GLIS3: variants seen among roughly 807,000 people sequenced by gnomAD.
The protein encoded by GLIS3 is GLIS family zinc finger 3.
GLIS3 carries 53 observed loss-of-function variants against 78.6 expected under a neutral mutation model. The ratio of observed to expected loss-of-function variants is 0.67; its 90% CI spans 0.54 to 0.85. GLIS3 has a LOEUF of 0.85. GLIS3 is among the 40% of genes least tolerant of loss of function. GLIS3 has a pLI of 0.00. For synonymous variants in GLIS3, 684 were observed against 509.9 expected, an observed-to-expected ratio of 1.34 and a Z score of -4.60; for missense variants, 1,703 against 1,231.1, an observed-to-expected ratio of 1.38 and a Z score of -5.74.
intron 5 of GLIS3, among the ~76,000 whole-genome samples, chr9:3,933,869 A>G (rs1447137988): frequency 1.3e-5 from 2 of 152,210 alleles, no homozygotes; most frequent in African/African-American, 4.8e-5. Context: ...ACTGGATTCC[A>G]AGAACAAGAT....
chr9:4,474,250 A>G, the GLIS3 span, among the ~76,000 whole-genome samples: 1 of 152,236 alleles, frequency 6.6e-6, no homozygotes, highest in Non-Finnish European at 1.5e-5. Context: ...CAAATAGATC[A>G]GTAAAACAAA....
chr9:4,269,405 C>G (rs1826303953), intron 2 of GLIS3, among the ~76,000 whole-genome samples: 2 of 152,216 alleles, frequency 1.3e-5, no homozygotes, highest in South Asian at 4.1e-4. Flanking sequence ...TACACTTATA[C>G]TGCCAGCTAC....
chr9:3,896,739 G>C (rs888365765), intron 7 of GLIS3, among the ~76,000 whole-genome samples: 3 of 150,204 alleles, frequency 2.0e-5, no homozygotes, highest in African/African-American at 7.4e-5. Context: ...AAAATTCTGG[G>C]AACAAAGTTG....
At chr9:4,204,924 A>G (rs1046377912) in intron 2 of GLIS3, among the ~76,000 whole-genome samples, 4 of 146,940 alleles carry the variant, frequency 2.7e-5, no homozygotes, top group South Asian at 2.3e-4. Flanking sequence ...AAAAAAAAAG[A>G]AGGAGTCAGT....
At chr9:4,231,322 G>A (rs1398464531) in intron 2 of GLIS3, among the ~76,000 whole-genome samples, 10 of 152,120 alleles carry the variant, frequency 6.6e-5, no homozygotes, top group Non-Finnish European at 1.5e-5. Context: ...GCAAGGAGCT[G>A]TTATCTTACT....
chr9:4,175,721 C>T (rs1006090330), intron 2 of GLIS3, among the ~76,000 whole-genome samples: 3 of 152,188 alleles, frequency 2.0e-5, no homozygotes, highest in Non-Finnish European at 4.4e-5. Context: ...ACCACCATAA[C>T]GCTGGGAGAA....
chr9:4,452,856 A>G, the GLIS3 span, among the ~76,000 whole-genome samples: 1 of 152,190 alleles, frequency 6.6e-6, no homozygotes, highest in Non-Finnish European at 1.5e-5. Flanking sequence ...TATAGCCGAG[A>G]CAACCCTAAG....
upstream of GLIS3, among the ~76,000 whole-genome samples, chr9:4,302,077 C>T (rs1817098375): frequency 6.6e-6 from 1 of 151,522 alleles, no homozygotes; most frequent in African/African-American, 2.4e-5. Flanking sequence ...TGTTCTTGTA[C>T]CAGTACAACC....
chr9:3,828,443 C>G (rs1588038635), intron 10 of GLIS3, 35 bp from the exon 11 acceptor site: 1 of 1,610,842 alleles, frequency 6.2e-7, no homozygotes, highest in South Asian at 1.1e-5. Flanking sequence ...GTCAGTAACT[C>G]CTGCCCCATG....
the GLIS3 span, among the ~76,000 whole-genome samples, chr9:4,398,693 G>A: frequency 3.3e-5 from 5 of 151,482 alleles, no homozygotes; most frequent in Non-Finnish European, 7.4e-5. Context: ...TGTTGTTGTT[G>A]TTGTATTTTG....
At chr9:3,969,325 CA>C (rs1376892992) in intron 4 of GLIS3, among the ~76,000 whole-genome samples, 2 of 152,148 alleles carry the variant, frequency 1.3e-5, no homozygotes, top group African/African-American at 4.8e-5. Flanking sequence ...GTTAGAAATG[CA>C]GAAGTTCAAA....
At chr9:4,018,105 C>G (rs1171335727) in intron 4 of GLIS3, among the ~76,000 whole-genome samples, 2 of 152,166 alleles carry the variant, frequency 1.3e-5, no homozygotes, top group Non-Finnish European at 2.9e-5. Context: ...AGACAAAACT[C>G]TTCCGATAAA....
Position 4,329,066 on chromosome 9 carries a change from G to A in GLIS3, n.264+18015C>T, listed in dbSNP as rs561724840. On this transcript the variant is annotated intron_variant and non_coding_transcript_variant, in intron 2 of 4. Coordinates refer to the GLIS3 transcript ENST00000471664. ...AATCTTGCCTGCTTGCCAGGCTATC[G>A]TTTTAACACTTAGAGAAATAGCCTA... Among the ~76,000 whole-genome samples, 14 of 152,296 alleles carry A rather than the reference G, an allele frequency of 9.2e-5. No homozygotes were observed. In the South Asian group the frequency reaches 1.0e-3, roughly 11 times the overall value.
chr9:3,901,811 C>T (rs116831200), intron 6 of GLIS3, among the ~76,000 whole-genome samples: 435 of 152,202 alleles, frequency 2.9e-3, no homozygotes, highest in African/African-American at 9.9e-3. Flanking sequence ...TCTTTCAGGA[C>T]CTTTGGAAGG....
At chr9:4,350,282 A>T (rs1349220850), upstream of GLIS3, among the ~76,000 whole-genome samples, 3 of 152,238 alleles carry the variant, frequency 2.0e-5, no homozygotes, top group African/African-American at 7.2e-5. Context: ...ATAGGCGGAA[A>T]TGTGAGGAAC....
At chr9:4,338,207 G>A (rs1817782051) in intron 2 of GLIS3, among the ~76,000 whole-genome samples, 1 of 152,102 alleles carries the variant, frequency 6.6e-6, no homozygotes, top group Non-Finnish European at 1.5e-5. Context: ...TTTTGCTGCT[G>A]CTATGTGTTG....
the GLIS3 span, among the ~76,000 whole-genome samples, chr9:4,424,165 T>C: frequency 1.3e-5 from 2 of 152,210 alleles, no homozygotes; most frequent in African/African-American, 2.4e-5. Flanking sequence ...TAAGTGATAT[T>C]TCAAAAGAAG....
chr9:3,980,051 T>A (rs188631764), intron 4 of GLIS3, among the ~76,000 whole-genome samples: 1 of 152,188 alleles, frequency 6.6e-6, no homozygotes, highest in East Asian at 1.9e-4. Context: ...AAAGTGACCT[T>A]AGGAGAAAGG....
chr9:4,344,703 G>A (rs1467425514), intron 2 of GLIS3, among the ~76,000 whole-genome samples: 1 of 152,158 alleles, frequency 6.6e-6, no homozygotes, highest in African/African-American at 2.4e-5. Context: ...ATGACCAAGA[G>A]GCATCCCAGA....
Sources: allele counts gnomAD v4.1 joint callset (sites outside exome capture counted in the v4.1 genomes callset), GRCh38; gene constraint gnomAD v4.1.1; transcripts MANE v1.5; gene names NCBI Gene and HGNC (gene_info 2026-07-23, HGNC 2026-07-21).